Variants in ADGRF3 observed in about 807,000 individuals in gnomAD.
ADGRF3 encodes adhesion G protein-coupled receptor F3.
A neutral mutation model predicts 93.2 loss-of-function variants in ADGRF3; 85 were observed. The ratio of observed to expected loss-of-function variants is 0.91; its 90% CI spans 0.77 to 1.09. The LOEUF (loss-of-function observed/expected upper bound fraction) is 1.09. ADGRF3 is among the 50% of genes least tolerant of loss of function. The probability of loss-of-function intolerance (pLI) is 0.00; values close to 1 mark genes in which losing one functional copy is unlikely to be tolerated. For synonymous variants in ADGRF3, 534 were observed against 532.5 expected, an observed-to-expected ratio of 1.00 and a Z score of -0.04; for missense variants, 1,125 against 1,246.2, an observed-to-expected ratio of 0.90 and a Z score of 1.46.
Position 26,310,911 on chromosome 2 carries a change from C to G in ADGRF3, c.2613G>C (p.Val871=). ...FVGPVLAIIG[V]NGLVLAMAML... Reference sequence around the variant, plus strand: ...TGGCCATGGCTAGTACCAGCCCATTCACGCCTATGATGGCCAGCACTGGCC... The same window carrying G: ...TGGCCATGGCTAGTACCAGCCCATTGACGCCTATGATGGCCAGCACTGGCC... Residue 871 remains valine, a synonymous_variant, in exon 10 of 14, where the codon GTG becomes GTC. Coordinates refer to ENST00000651242, the MANE Select transcript of ADGRF3 (RefSeq NM_001321971.2). The G allele has an allele frequency of 3.1e-6, 5 of 1,612,848 alleles. No individual in the cohort carries two copies. The highest frequency in any genetic ancestry group is 4.2e-6 in the Non-Finnish European group (5 of 1,179,302).
chr2:26,323,636 T>G (rs1232472836), intron 1 of ADGRF3, among the ~76,000 whole-genome samples: 1 of 150,150 alleles, frequency 6.7e-6, no homozygotes, highest in Admixed American at 6.6e-5. Flanking sequence ...TGTGTTTGTT[T>G]TTTTTTTTTT....
At chr2:26,326,455 G>A (rs1375669698) in intron 1 of ADGRF3, among the ~76,000 whole-genome samples, 1 of 152,150 alleles carries the variant, frequency 6.6e-6, no homozygotes, top group Non-Finnish European at 1.5e-5. Flanking sequence ...TTCCCTCTGT[G>A]GAAATGGGAG....
At chr2:26,331,291 ACACCTGTAAT>A (rs770769289) in intron 1 of ADGRF3, among the ~76,000 whole-genome samples, 14 of 152,294 alleles carry the variant, frequency 9.2e-5, no homozygotes, top group Non-Finnish European at 2.1e-4. Flanking sequence ...GCAGTGGCTC[ACACCTGTAAT>A]CACTTTAGGA....
chr2:26,343,639 T>A (rs558078047), intron 1 of ADGRF3, among the ~76,000 whole-genome samples: 1 of 152,268 alleles, frequency 6.6e-6, no homozygotes, highest in East Asian at 1.9e-4. Context: ...GAGACGGGGT[T>A]TCACCGTGTT....
Position 26,313,123 on chromosome 2 carries a change from C to T in ADGRF3, c.1270-1G>A. On this transcript the variant is annotated splice_acceptor_variant, in intron 8 of 13. Coordinates refer to ENST00000651242, the MANE Select transcript of ADGRF3 (RefSeq NM_001321971.2). LOFTEE classifies it high-confidence loss of function. ...GACTGCCCTGGCCTGCCTGCAGCAGCTGAGACAGACGAGACAGCATGAAGT... is the reference window on the plus strand; with the variant it reads ...GACTGCCCTGGCCTGCCTGCAGCAGTTGAGACAGACGAGACAGCATGAAGT... 1 of 1,613,706 alleles carries T rather than the reference C, an allele frequency of 6.2e-7. No individual in the cohort carries two copies. Among genetic ancestry groups the T allele is most frequent in the South Asian group, 1.1e-5 (1 of 91,076 alleles).
In ADGRF3 at chr2:26,313,896, G is replaced by C. The variant is rs771174728; in HGVS notation, c.936C>G (p.Ser312=). 1.9e-6 allele frequency: 3 copies of C among 1,613,904 alleles called. No individual in the cohort carries two copies. In the African/African-American group the frequency reaches 4.0e-5, roughly 22 times the overall value. ...AGCACTGAGAGCCTGACTCGTTGAAGGAGGAAGCTGAAGGCAAAACGAAGA... is the reference window on the plus strand; with the variant it reads ...AGCACTGAGAGCCTGACTCGTTGAACGAGGAAGCTGAAGGCAAAACGAAGA... ...WSPGEGSKAS[S]FNESGSQCFV... Residue 312 remains serine (S), a synonymous_variant, in exon 7 of 14, where the codon TCC becomes TCG. Coordinates refer to ENST00000651242, the MANE Select transcript of ADGRF3 (RefSeq NM_001321971.2).
chr2:26,339,325 A>G (rs1214898130), intron 1 of ADGRF3, among the ~76,000 whole-genome samples: 2 of 151,780 alleles, frequency 1.3e-5, no homozygotes, highest in South Asian at 4.2e-4. Flanking sequence ...GTGAAACCCC[A>G]CCTCTACTAA....
intron 1 of ADGRF3, among the ~76,000 whole-genome samples, chr2:26,343,633 CG>C (rs1359466199): frequency 6.6e-6 from 1 of 152,046 alleles, no homozygotes; most frequent in Non-Finnish European, 1.5e-5. Context: ...TTAGTAGAGA[CG>C]GGGTTTCACC....
At chr2:26,343,072 G>A (rs574674730) in intron 1 of ADGRF3, among the ~76,000 whole-genome samples, 82 of 152,340 alleles carry the variant, frequency 5.4e-4, no homozygotes, top group African/African-American at 1.1e-3. Context: ...TGGCAGCGCG[G>A]TAGGTTTGTT....
chr2:26,336,900 A>G (rs1271735309), intron 1 of ADGRF3, among the ~76,000 whole-genome samples: 5 of 152,112 alleles, frequency 3.3e-5, no homozygotes, highest in African/African-American at 4.8e-5. Flanking sequence ...AGTGGCATCT[A>G]TGGGGTTGGA....
chr2:26,311,131 A>G lies in ADGRF3; in HGVS notation c.2393T>C (p.Leu798Ser), dbSNP rs1243754994. Residue 798 changes from leucine (L) to serine (S), a missense_variant, in exon 10 of 14, where the codon TTG becomes TCG. Coordinates refer to ENST00000651242, the MANE Select transcript of ADGRF3 (RefSeq NM_001321971.2). ...AAAGACAAAGAGCAGCTGGTGGGCC[A>G]ACACCAGGGCCTGCGCCAGCATCCA... ...FFWMLAQALV[L>S]AHQLLFVFHQ... The G allele has an allele frequency of 1.3e-6, 2 of 1,595,956 alleles. No homozygotes were observed. Among genetic ancestry groups the G allele is most frequent in the Non-Finnish European group, 1.7e-6 (2 of 1,171,734 alleles).
In ADGRF3 at chr2:26,310,192, T is replaced by A. The variant is rs771332516; in HGVS notation, c.2874+4A>T. 1.7e-5 allele frequency: 28 copies of A among 1,613,878 alleles called. No homozygotes were observed. Among genetic ancestry groups the A allele is most frequent in the Non-Finnish European group, 2.3e-5 (27 of 1,179,900 alleles). On this transcript the variant is annotated splice_donor_region_variant and intron_variant, in intron 11 of 13. Transcript: ENST00000651242. ...GAGGCAGGGGGTTAGGTGGGCAGAC[T>A]TACCTTCCTGTCCATGAGGCAACCA...
intron 1 of ADGRF3, among the ~76,000 whole-genome samples, chr2:26,328,737 G>A (rs929316188): frequency 1.3e-5 from 2 of 152,212 alleles, no homozygotes; most frequent in Non-Finnish European, 2.9e-5. Flanking sequence ...CAGGCATGAG[G>A]CACTGCGCCC....
rs1031591002 is a variant in ADGRF3, at chr2:26,346,617, G to T, written c.-383C>A. The T allele has an allele frequency of 6.2e-5, 13 of 208,100 alleles. No individual in the cohort carries two copies. The highest frequency in any genetic ancestry group is 1.8e-4 in the Admixed American group (3 of 16,832). The allele number at this position is 208,100 out of a possible 1,614,324, so 12.9% of individuals were successfully genotyped here. A position where few individuals can be genotyped will look rare whatever the true frequency, so the allele number is the denominator to read the frequency against. On this transcript the variant is annotated 5_prime_UTR_variant, in exon 1 of 14. Transcript: ENST00000651242. ...CCGAAAGGATGGAGTTCCTTCTGTTGTGTCAATCGCCTTCATTTTAGTGAA... is the reference window on the plus strand; with the variant it reads ...CCGAAAGGATGGAGTTCCTTCTGTTTTGTCAATCGCCTTCATTTTAGTGAA...
chr2:26,318,804 G>C lies in ADGRF3; in HGVS notation c.115-1242C>G, dbSNP rs1428696951. 4.9e-6 allele frequency: 6 copies of C among 1,221,322 alleles called. No individual in the cohort carries two copies. In the East Asian group the frequency reaches 1.6e-4, roughly 32 times the overall value. The allele number at this position is 1,221,322 out of a possible 1,614,324, so 75.7% of individuals were successfully genotyped here. A position where few individuals can be genotyped will look rare whatever the true frequency, so the allele number is the denominator to read the frequency against. On this transcript the variant is annotated intron_variant, in intron 1 of 13. Transcript: ENST00000651242. ...AGGAAAGTAAAACTGAGTTCTCAGA[G>C]ATCTCATAACAAAGCATCCACTTTC...
chr2:26,345,774 C>G (rs950339118), intron 1 of ADGRF3: 1 of 329,792 alleles, frequency 3.0e-6, no homozygotes, highest in African/African-American at 2.2e-5. Flanking sequence ...ACGGTATACC[C>G]CAGATCACCA....
chr2:26,333,845 A>G lies in ADGRF3; in HGVS notation c.114+12276T>C, dbSNP rs751968762. 4.9e-4 allele frequency among the ~76,000 whole-genome samples: 74 copies of G among 152,122 alleles called. 1 individual carries two copies. The highest frequency in any genetic ancestry group is 9.1e-4 in the Non-Finnish European group (62 of 67,996). ...TTTTATTTACTATTTTTTTTTTAAG[A>G]CAGAGTCTGGCTGTGTTGCCCAGGC... On this transcript the variant is annotated intron_variant, in intron 1 of 13. Transcript: ENST00000651242.
At chr2:26,318,122 G>A in intron 1 of ADGRF3, 1 of 1,533,084 alleles carries the variant, frequency 6.5e-7, no homozygotes, top group Non-Finnish European at 8.8e-7. Context: ...GGAAGGGTCT[G>A]TCTGGTAGGG....
chr2:26,317,248 C>T (rs925654421), intron 2 of ADGRF3, among the ~76,000 whole-genome samples, 193 bp from the exon 3 acceptor site: 1 of 152,174 alleles, frequency 6.6e-6, no homozygotes, highest in African/African-American at 2.4e-5. Flanking sequence ...TTCAGATACA[C>T]GGCTTCATGT....
Sources: gnomAD v4.1 joint callset for allele counts (sites outside exome capture counted in the v4.1 genomes callset) on GRCh38, gnomAD v4.1.1 for gene constraint, MANE v1.5 for transcripts, NCBI Gene and HGNC (gene_info 2026-07-23, HGNC 2026-07-21) for gene names.